The following PRRC2B variants were observed in gnomAD, a reference collection of about 807,000 sequenced individuals.
The protein encoded by PRRC2B is protein PRRC2B.
In PRRC2B, 68 loss-of-function variants were observed where a neutral mutation model predicts 242.3. The ratio of observed to expected loss-of-function variants is 0.28; its 90% CI spans 0.23 to 0.34. PRRC2B has a LOEUF of 0.34. Ranked by LOEUF, PRRC2B falls within the 10% of genes least tolerant of loss-of-function variation. PRRC2B has a pLI of 1.00. For missense variants in PRRC2B, 2,835 were observed against 2,954.8 expected (o/e 0.96, Z 0.94); for synonymous variants, 1,228 against 1,173.6 (o/e 1.05, Z -0.95).
intron 9 of PRRC2B, among the ~76,000 whole-genome samples, chr9:131,453,624 T>C (rs1305304970): frequency 6.6e-6 from 1 of 152,156 alleles, no homozygotes; most frequent in Non-Finnish European, 1.5e-5. Context: ...GTCAACTTCC[T>C]GGGCTTAGGT....
chr9:131,393,681 C>A (rs1313288927), upstream of PRRC2B, among the ~76,000 whole-genome samples: 1 of 152,082 alleles, frequency 6.6e-6, no homozygotes, highest in Non-Finnish European at 1.5e-5. Context: ...CTCGCTCCCC[C>A]GTCACTGCCC....
At chr9:131,381,847 C>T (rs1233301792) in intron 1 of PRRC2B, among the ~76,000 whole-genome samples, 1 of 152,012 alleles carries the variant, frequency 6.6e-6, no homozygotes, top group South Asian at 2.1e-4. Context: ...TCAAGCGATT[C>T]TTGTGCCTCA....
intron 9 of PRRC2B, among the ~76,000 whole-genome samples, chr9:131,450,948 C>T (rs1156920550): frequency 2.0e-5 from 3 of 152,154 alleles, no homozygotes; most frequent in Non-Finnish European, 2.9e-5. Context: ...GCTTTCATTT[C>T]TCTCAGCAGT....
chr9:131,425,355 G>A (rs779483308), intron 1 of PRRC2B, among the ~76,000 whole-genome samples: 2 of 152,146 alleles, frequency 1.3e-5, no homozygotes, highest in Non-Finnish European at 2.9e-5. Context: ...TCTCAGAGAA[G>A]TGTGGTGTGT....
Position 131,458,119 on chromosome 9 carries a change from T to G in PRRC2B, c.1212-1045T>G, listed in dbSNP as rs140253637. On this transcript the variant is annotated intron_variant, in intron 10 of 31. Transcript: ENST00000683519. ...CAGCTCTGTTTGGAACACCTCCTCC[T>G]TTTCCATGCTGTGTCGGCTCTGCTT... Among the ~76,000 whole-genome samples the G allele has an allele frequency of 3.6e-3, 548 of 152,282 alleles. 4 individuals are homozygous for G. The highest frequency in any genetic ancestry group is 0.013 in the African/African-American group (522 of 41,550).
chr9:131,412,961 C>T (rs1329649509), intron 1 of PRRC2B, among the ~76,000 whole-genome samples: 1 of 152,012 alleles, frequency 6.6e-6, no homozygotes, highest in Admixed American at 6.6e-5. Context: ...GTAGAGGTTT[C>T]ATTTTAAAGA....
At chr9:131,386,378 G>A (rs1836826033) in intron 1 of PRRC2B, among the ~76,000 whole-genome samples, 1 of 150,248 alleles carries the variant, frequency 6.7e-6, no homozygotes, top group Admixed American at 6.9e-5. Context: ...TGGCCTCCCA[G>A]AGTCCCGTGA....
rs1301880500 is a variant in PRRC2B at position 131,500,156 on chromosome 9, A to G, written c.*4282A>G. On this transcript the variant is annotated 3_prime_UTR_variant, in exon 32 of 32. Coordinates refer to ENST00000683519, the MANE Select transcript of PRRC2B (RefSeq NM_013318.4). ...ATTGTACTAGCTCTTTCCATATGAA[A>G]GAATTCTCCTTATTTAAATAAAAAA... The G allele has an allele frequency of 6.6e-6, 1 of 152,240 alleles. No homozygotes were observed. The highest frequency in any genetic ancestry group is 1.5e-5 in the Non-Finnish European group (1 of 68,046). The allele number at this position is 152,240 out of a possible 1,614,324, so 9.4% of individuals were successfully genotyped here. A position where few individuals can be genotyped will look rare whatever the true frequency, so the allele number is the denominator to read the frequency against.
At chr9:131,414,480 G>C (rs534357914) in intron 1 of PRRC2B, among the ~76,000 whole-genome samples, 118 of 147,132 alleles carry the variant, frequency 8.0e-4, no homozygotes, top group Non-Finnish European at 1.4e-3. Flanking sequence ...GGAAATGGTA[G>C]ATAATCCATC....
At chr9:131,465,760 CTT>C (rs1292480368) in intron 12 of PRRC2B, among the ~76,000 whole-genome samples, 3 of 152,030 alleles carry the variant, frequency 2.0e-5, no homozygotes, top group Admixed American at 1.3e-4. Context: ...AATGGAGTCT[CTT>C]TCTGTCACCC....
chr9:131,431,204 C>G (rs774004995), intron 2 of PRRC2B, among the ~76,000 whole-genome samples: 1 of 152,000 alleles, frequency 6.6e-6, no homozygotes, highest in Non-Finnish European at 1.5e-5. Flanking sequence ...GATCTTGGCT[C>G]ACTGTAAGCT....
At chr9:131,451,829 T>C (rs1266817448) in intron 9 of PRRC2B, among the ~76,000 whole-genome samples, 1 of 152,188 alleles carries the variant, frequency 6.6e-6, no homozygotes, top group Non-Finnish European at 1.5e-5. Flanking sequence ...TCTGTGTTCA[T>C]ATTATTTTTC....
chr9:131,407,588 G>A lies in PRRC2B; in HGVS notation c.-52+13325G>A, dbSNP rs140043658. 3.6e-3 allele frequency among the ~76,000 whole-genome samples: 546 copies of A among 152,310 alleles called. 14 individuals are homozygous for A. Among genetic ancestry groups the A allele is most frequent in the East Asian group, 2.9e-3 (15 of 5,192 alleles). ...CCTCTAGTGTCTGAGGCTTGGAGGA[G>A]AAGTCATGCACGGCTTCTGGGGTCC... is the stretch of plus-strand genomic sequence containing the variant. On this transcript the variant is annotated intron_variant, in intron 1 of 31. Transcript: ENST00000683519.
rs1944067115 is a variant in PRRC2B at position 131,487,739 on chromosome 9, G to T, written c.5985-117G>T. 1.5e-6 allele frequency: 2 copies of T among 1,379,216 alleles called. No homozygotes were observed. Among genetic ancestry groups the T allele is most frequent in the Non-Finnish European group, 2.0e-6 (2 of 1,025,354 alleles). 85.4% of individuals were successfully genotyped at this position (1,379,216 alleles called of 1,614,324 possible). ...TCCTGGACCCTCTGAGTCGCGCTCT[G>T]GGGGTGGGGCCGGGGATCTGTGGTT... On this transcript the variant is annotated intron_variant, in intron 27 of 31. Coordinates refer to ENST00000683519, the MANE Select transcript of PRRC2B (RefSeq NM_013318.4). The surrounding 1 kb of genome is among the most constrained non-coding windows in gnomAD (Gnocchi z 5.3).
rs66831387 is a variant in PRRC2B at position 131,435,613 on chromosome 9, TAAAAAA to T, written c.294-987_294-982del. Among the ~76,000 whole-genome samples, 559 of 147,012 alleles carry T rather than the reference TAAAAAA, an allele frequency of 3.8e-3. 1 individual carries two copies. The highest frequency in any genetic ancestry group is 0.014 in the African/African-American group (536 of 38,762). ...CTGGGCGGCAGAATGAGACTCCATC[TAAAAAA>T]AAAAAAAAAAAAAAAAAAAGCCAAA... On this transcript the variant is annotated intron_variant, in intron 3 of 31. Coordinates refer to ENST00000683519, the MANE Select transcript of PRRC2B (RefSeq NM_013318.4).
chr9:131,410,043 C>CAG (rs1176491939), intron 1 of PRRC2B, among the ~76,000 whole-genome samples: 11 of 152,132 alleles, frequency 7.2e-5, no homozygotes, highest in Non-Finnish European at 1.3e-4. Flanking sequence ...ATTTTGACGC[C>CAG]AGAGAGGGAG....
chr9:131,447,333 G>A (rs540819679), intron 8 of PRRC2B, 127 bp downstream of exon 8: 19 of 1,189,712 alleles, frequency 1.6e-5, no homozygotes, highest in African/African-American at 4.6e-5. Context: ...CCAGCTCAGC[G>A]TGGCAGGGTG....
chr9:131,435,297 C>T (rs528443140), intron 3 of PRRC2B, among the ~76,000 whole-genome samples: 4 of 128,914 alleles, frequency 3.1e-5, no homozygotes, highest in African/African-American at 8.9e-5. Context: ...GATTCCATCT[C>T]GAAAAAAAAG....
intron 1 of PRRC2B, among the ~76,000 whole-genome samples, chr9:131,415,432 G>A (rs976118239): frequency 2.0e-5 from 3 of 152,192 alleles, no homozygotes; most frequent in African/African-American, 7.2e-5. Flanking sequence ...CGCTCCCCTG[G>A]GGCTGGGGCT....
Sources: gnomAD v4.1 joint callset for allele counts (sites outside exome capture counted in the v4.1 genomes callset) on GRCh38, gnomAD v4.1.1 for gene constraint, Gnocchi (gnomAD v3.1) non-coding constraint, MANE v1.5 for transcripts, NCBI Gene and HGNC (gene_info 2026-07-23, HGNC 2026-07-21) for gene names.